USP13: variants seen among roughly 807,000 people sequenced by gnomAD.
USP13 encodes the protein ubiquitin carboxyl-terminal hydrolase 13.
In USP13, 68 loss-of-function variants were observed where a neutral mutation model predicts 107.8. The ratio of observed to expected loss-of-function variants is 0.63; its 90% CI spans 0.52 to 0.77. The LOEUF (loss-of-function observed/expected upper bound fraction) is 0.77, where lower values mean the gene tolerates loss of function less well. Among genes scored for constraint, USP13 ranks in the 30% least tolerant of loss-of-function variants. USP13 has a pLI of 0.00. For missense variants in USP13, 945 were observed against 1,093.3 expected, an observed-to-expected ratio of 0.86 and a Z score of 1.91; for synonymous variants, 377 against 389.5, an observed-to-expected ratio of 0.97 and a Z score of 0.38.
chr3:179,756,626 C>A (rs1714811036), intron 15 of USP13, among the ~76,000 whole-genome samples: 1 of 151,964 alleles, frequency 6.6e-6, no homozygotes, highest in Non-Finnish European at 1.5e-5. Flanking sequence ...TGACTGGTGA[C>A]ATGTGCCTGT....
chr3:179,729,980 C>A (rs564013030), intron 8 of USP13, among the ~76,000 whole-genome samples: 1 of 152,164 alleles, frequency 6.6e-6, no homozygotes, highest in South Asian at 2.1e-4. Context: ...TAACTTACAA[C>A]GAGGGTTGAG....
chr3:179,756,913 G>A (rs1714825038), intron 15 of USP13, 139 bp from the exon 16 acceptor site: 1 of 797,490 alleles, frequency 1.3e-6, no homozygotes, highest in South Asian at 1.7e-5. Flanking sequence ...GTCTGCGTGT[G>A]GTTGAGGGAT....
rs1715984908 is a variant in USP13, at chr3:179,788,946, A to T, written c.*4805A>T. 1 of 152,216 alleles carries T rather than the reference A, an allele frequency of 6.6e-6. No homozygotes were observed. The highest frequency in any genetic ancestry group is 2.1e-4 in the South Asian group (1 of 4,820). The allele number at this position is 152,216 out of a possible 1,614,324, so 9.4% of individuals were successfully genotyped here. On this transcript the variant is annotated 3_prime_UTR_variant, in exon 21 of 21. Transcript: ENST00000263966. ...ATATATATGTATGATCCCAATTAAA[A>T]GACAAAAGCAAATGAGCCCCAAACT...
intron 19 of USP13, among the ~76,000 whole-genome samples, chr3:179,778,159 T>G (rs1345726154): frequency 8.5e-5 from 13 of 152,184 alleles, no homozygotes. Context: ...GGCAATCTTC[T>G]CGGATTCATT....
rs1715864896 is a variant in USP13, at chr3:179,784,663, T to G, written c.*522T>G. The G allele has an allele frequency of 6.5e-6, 1 of 153,298 alleles. No individual in the cohort carries two copies. Among genetic ancestry groups the G allele is most frequent in the Admixed American group, 6.5e-5 (1 of 15,468 alleles). The allele number at this position is 153,298 out of a possible 1,614,324, so 9.5% of individuals were successfully genotyped here. On this transcript the variant is annotated 3_prime_UTR_variant, in exon 21 of 21. Coordinates refer to ENST00000263966, the MANE Select transcript of USP13 (RefSeq NM_003940.3). ...TGATGTATCCATGTAGATATTATGC[T>G]CTGTCCATAATAGAGCCTCTGCAAT...
chr3:179,779,975 G>A (rs1046764348), intron 19 of USP13, among the ~76,000 whole-genome samples: 1 of 152,040 alleles, frequency 6.6e-6, no homozygotes, highest in Non-Finnish European at 1.5e-5. Flanking sequence ...TGAGAGAGAA[G>A]GCAAGATTTT....
In USP13 at chr3:179,724,073, T is replaced by C. The variant is rs149837318; in HGVS notation, c.1088+2484T>C. 7.9e-3 allele frequency among the ~76,000 whole-genome samples: 1,202 copies of C among 151,454 alleles called. 14 individuals are homozygous for C. Among genetic ancestry groups the C allele is most frequent in the African/African-American group, 0.028 (1,141 of 41,226 alleles). On this transcript the variant is annotated intron_variant, in intron 8 of 20. Coordinates refer to ENST00000263966, the MANE Select transcript of USP13 (RefSeq NM_003940.3). ...TACTCGGGAGGCTGAGGTGGGAGGATTGCTTGATCCCAGGAGTCTGAGGTT... is the reference window on the plus strand; with the variant it reads ...TACTCGGGAGGCTGAGGTGGGAGGACTGCTTGATCCCAGGAGTCTGAGGTT...
intron 8 of USP13, among the ~76,000 whole-genome samples, chr3:179,729,686 G>A (rs1713725803): frequency 6.6e-6 from 1 of 152,050 alleles, no homozygotes; most frequent in Non-Finnish European, 1.5e-5. Context: ...TAGCTAGGCT[G>A]GTCTTGAACT....
chr3:179,695,596 C>A (rs879401567), intron 3 of USP13, among the ~76,000 whole-genome samples: 2 of 151,814 alleles, frequency 1.3e-5, no homozygotes, highest in South Asian at 2.1e-4. Flanking sequence ...AAATTCTATA[C>A]TTTTAAAACA....
At chr3:179,779,259 C>T (rs187502060) in intron 19 of USP13, among the ~76,000 whole-genome samples, 79 of 151,630 alleles carry the variant, frequency 5.2e-4, no homozygotes, top group African/African-American at 1.7e-3. Flanking sequence ...ATGGGCCTGG[C>T]GCGGTGGCTC....
intron 10 of USP13, among the ~76,000 whole-genome samples, chr3:179,737,570 G>A (rs896620654): frequency 2.0e-5 from 3 of 152,186 alleles, no homozygotes; most frequent in African/African-American, 7.2e-5. Flanking sequence ...GTTTCAGGAG[G>A]TGTATATACA....
chr3:179,728,583 G>C (rs1176772836), intron 8 of USP13, among the ~76,000 whole-genome samples: 3 of 151,554 alleles, frequency 2.0e-5, no homozygotes, highest in Non-Finnish European at 2.9e-5. Context: ...ACGGGGTGGC[G>C]GCCGGGCAGA....
At chr3:179,754,223 TATG>T (rs144117999) in intron 14 of USP13, among the ~76,000 whole-genome samples, 4,956 of 152,174 alleles carry the variant, frequency 0.033, 264 homozygotes, top group African/African-American at 0.11. Context: ...GTAGCACAAA[TATG>T]ATGCTCAGGG....
chr3:179,742,246 T>A lies in USP13; in HGVS notation c.1430T>A (p.Val477Glu). The A allele has an allele frequency of 6.2e-7, 1 of 1,614,234 alleles. No homozygotes were observed. Among genetic ancestry groups the A allele is most frequent in the Non-Finnish European group, 8.5e-7 (1 of 1,180,046 alleles). Reference protein sequence around the residue: ...ENPSDVFRFLVEERIQCCQTR... With the variant: ...ENPSDVFRFLEEERIQCCQTR... ...CCAAGCGATGTTTTTCGTTTTTTGG[T>A]GGAAGAACGCATTCAGTGCTGTCAG... The change falls in exon 12 of 21, where the codon GTG (valine) becomes GAG (glutamate). Residue 477 changes from valine to glutamate, a missense_variant. Coordinates refer to ENST00000263966, the MANE Select transcript of USP13 (RefSeq NM_003940.3). This position sits in a 1 kb window ranked among gnomAD's most constrained non-coding sequence, Gnocchi z 5.0.
At position 179,719,537 on chromosome 3, in the gene USP13, C is replaced by G. The variant is rs544818484; in HGVS notation, c.806-403C>G. Among the ~76,000 whole-genome samples the G allele has an allele frequency of 2.0e-5, 3 of 152,278 alleles. No homozygotes were observed. In the East Asian group the frequency reaches 5.8e-4, roughly 29 times the overall value. On this transcript the variant is annotated intron_variant, in intron 6 of 20. Coordinates refer to ENST00000263966, the MANE Select transcript of USP13 (RefSeq NM_003940.3). ...TCTCTCTGTTCCCCCGGAGGTCCCC[C>G]CTGCCGTGGCGGATGGCCGTCATCC... is the stretch of plus-strand genomic sequence containing the variant.
chr3:179,657,711 C>T (rs1444420358), intron 1 of USP13, among the ~76,000 whole-genome samples: 2 of 140,394 alleles, frequency 1.4e-5, no homozygotes, highest in African/African-American at 2.8e-5. Context: ...TTGCAGTAAG[C>T]CGAGATTGCG....
chr3:179,738,991 C>A (rs909793895), intron 10 of USP13, among the ~76,000 whole-genome samples: 1 of 152,146 alleles, frequency 6.6e-6, no homozygotes, highest in East Asian at 1.9e-4. Context: ...TGGGCTCCCT[C>A]TGGGCTGCCA....
At chr3:179,696,328 ATT>A (rs4041265) in intron 3 of USP13, among the ~76,000 whole-genome samples, 1 of 117,698 alleles carries the variant, frequency 8.5e-6, no homozygotes, top group Non-Finnish European at 1.6e-5. Flanking sequence ...GCCATTAGGC[ATT>A]TTTTTTTTTT....
chr3:179,667,836 C>T (rs148822122), intron 1 of USP13, among the ~76,000 whole-genome samples: 150 of 152,190 alleles, frequency 9.9e-4, no homozygotes, highest in Middle Eastern at 3.4e-3. Flanking sequence ...TTAGTAGAGA[C>T]GGGGTTTCTC....
Sources: gnomAD v4.1 joint callset for allele counts (sites outside exome capture counted in the v4.1 genomes callset) on GRCh38, gnomAD v4.1.1 for gene constraint, Gnocchi (gnomAD v3.1) non-coding constraint, MANE v1.5 for transcripts, NCBI Gene and HGNC (gene_info 2026-07-23, HGNC 2026-07-21) for gene names.